Variants in MYO18B observed in about 807,000 individuals in gnomAD.
MYO18B encodes the protein myosin XVIIIB.
In MYO18B, 204 loss-of-function variants were observed where a neutral mutation model predicts 273.0. The ratio of observed to expected loss-of-function variants is 0.75; its 90% CI spans 0.67 to 0.84. MYO18B has a LOEUF of 0.84. Ranked by LOEUF, MYO18B falls within the 40% of genes least tolerant of loss-of-function variation. The pLI is 0.00. For synonymous variants in MYO18B, 1,330 were observed against 1,305.7 expected, an observed-to-expected ratio of 1.02 and a Z score of -0.40; for missense variants, 3,212 against 3,287.6, an observed-to-expected ratio of 0.98 and a Z score of 0.56.
intron 25 of MYO18B, among the ~76,000 whole-genome samples, chr22:25,888,800 C>T (rs1047444327): frequency 1.3e-5 from 2 of 152,204 alleles, no homozygotes; most frequent in Non-Finnish European, 2.9e-5. Context: ...AGCCTTCTTT[C>T]TCCTCTGCGT....
At chr22:26,030,282 C>T (rs1936596528) in intron 43 of MYO18B, among the ~76,000 whole-genome samples, 161 bp from the exon 44 acceptor site, 1 of 152,166 alleles carries the variant, frequency 6.6e-6, no homozygotes, top group Non-Finnish European at 1.5e-5. Flanking sequence ...GAGGCTGAAG[C>T]AGGAAGATCA....
chr22:25,771,408 T>C (rs970124034), intron 6 of MYO18B, among the ~76,000 whole-genome samples: 4 of 152,188 alleles, frequency 2.6e-5, no homozygotes, highest in Admixed American at 6.5e-5. Flanking sequence ...ATAGCATAGG[T>C]TCTAATGGCC....
At chr22:25,744,307 C>A (rs1243725964) in intron 1 of MYO18B, among the ~76,000 whole-genome samples, 1 of 152,124 alleles carries the variant, frequency 6.6e-6, no homozygotes, top group Non-Finnish European at 1.5e-5. Context: ...AAGATAGGGA[C>A]CTGGGGCTGT....
At chr22:25,832,876 C>A (rs761901474) in intron 15 of MYO18B, 41 bp from the exon 16 acceptor site, 1 of 1,549,074 alleles carries the variant, frequency 6.5e-7, no homozygotes, top group South Asian at 1.1e-5. Context: ...CCCCCTTCAG[C>A]TCGCTAAAAG....
intron 22 of MYO18B, among the ~76,000 whole-genome samples, chr22:25,870,953 G>C (rs2091030469): frequency 6.6e-6 from 1 of 152,302 alleles, no homozygotes; most frequent in African/African-American, 2.4e-5. Flanking sequence ...GCAGGAGTAA[G>C]AAGTCTGTAC....
intron 33 of MYO18B, among the ~76,000 whole-genome samples, chr22:25,919,594 G>A (rs981778245): frequency 6.6e-6 from 1 of 152,100 alleles, no homozygotes; most frequent in Non-Finnish European, 1.5e-5. Flanking sequence ...GATTGTCACA[G>A]GAGTTAAATG....
At chr22:25,846,343 C>T in intron 19 of MYO18B, 60 bp downstream of exon 19, 1 of 1,563,912 alleles carries the variant, frequency 6.4e-7, no homozygotes, top group Non-Finnish European at 8.7e-7. Context: ...CTCATCTCCT[C>T]TGGGCTGAGT....
chr22:26,044,054 T>C, the MYO18B span, among the ~76,000 whole-genome samples: 1 of 152,238 alleles, frequency 6.6e-6, no homozygotes, highest in Non-Finnish European at 1.5e-5. Flanking sequence ...CAGTATCTTT[T>C]TGTGTTTTTA....
chr22:25,893,929 A>T (rs150750070), intron 27 of MYO18B, among the ~76,000 whole-genome samples: 121 of 151,848 alleles, frequency 8.0e-4, no homozygotes, highest in African/African-American at 2.8e-3. Flanking sequence ...CTACACTAAC[A>T]TCCATCCATC....
chr22:25,770,413 G>A (rs2086675809), intron 5 of MYO18B, among the ~76,000 whole-genome samples: 1 of 152,190 alleles, frequency 6.6e-6, no homozygotes, highest in Non-Finnish European at 1.5e-5. Flanking sequence ...GCCAGAGTCT[G>A]GTACAAGTGG....
chr22:25,992,287 G>T, intron 39 of MYO18B, 76 bp from the exon 40 acceptor site: 2 of 1,571,266 alleles, frequency 1.3e-6, no homozygotes, highest in East Asian at 2.3e-5. Flanking sequence ...CCTGGGGCGT[G>T]TCTCTTCCCC....
intron 19 of MYO18B, 23 bp downstream of exon 19, chr22:25,846,306 G>A (rs773245567): frequency 2.5e-6 from 4 of 1,608,052 alleles, no homozygotes; most frequent in Non-Finnish European, 3.4e-6. Context: ...CCTGTCTCAT[G>A]GTGTCCTGGC....
intron 39 of MYO18B, among the ~76,000 whole-genome samples, chr22:25,991,594 A>T (rs995160553): frequency 2.6e-5 from 4 of 152,174 alleles, no homozygotes; most frequent in Admixed American, 2.6e-4. Flanking sequence ...AAAGTACCAG[A>T]AAGTATTGAT....
In MYO18B at chr22:25,992,391, T is replaced by A; in HGVS notation, c.6185T>A (p.Val2062Glu). 1.2e-6 allele frequency: 2 copies of A among 1,614,016 alleles called. No individual in the cohort carries two copies. The highest frequency in any genetic ancestry group is 1.1e-5 in the South Asian group (1 of 91,086). ...AAGTACGTGGAGGAACTTGCAGCAG[T>A]GAGGCAAACCCTCCAGACAGACCTG... ...LEKYVEELAA[V>E]RQTLQTDLET... The change falls in exon 40 of 44, where the codon GTG becomes GAG. Residue 2062 changes from valine (V) to glutamate (E), a missense_variant. Coordinates refer to ENST00000335473, the MANE Select transcript of MYO18B (RefSeq NM_032608.7).
Position 25,879,619 on chromosome 22 carries a change from A to C in MYO18B, c.4314+1571A>C, listed in dbSNP as rs532404800. Reference sequence around the variant, plus strand: ...GGCTGGGGGTGACTACATGAATCAGACAGTTCCCACTCCAAGAAGGTCACT... The same window carrying C: ...GGCTGGGGGTGACTACATGAATCAGCCAGTTCCCACTCCAAGAAGGTCACT... On this transcript the variant is annotated intron_variant, in intron 25 of 43. Coordinates refer to ENST00000335473, the MANE Select transcript of MYO18B (RefSeq NM_032608.7). Among the ~76,000 whole-genome samples, 3 of 152,278 alleles carry C rather than the reference A, an allele frequency of 2.0e-5. No individual in the cohort carries two copies. The East Asian group carries it at 5.8e-4, about 29-fold the overall frequency.
At chr22:25,891,048 G>A (rs146007789) in intron 26 of MYO18B, among the ~76,000 whole-genome samples, 173 bp downstream of exon 26, 219 of 152,288 alleles carry the variant, frequency 1.4e-3, no homozygotes, top group African/African-American at 5.2e-3. Context: ...TTGGCCTTGG[G>A]GGTGTTATGG....
rs1341374251 is a variant in MYO18B, at chr22:25,874,226, C to CCT, written c.3952-59_3952-58insTC. On this transcript the variant is annotated intron_variant, in intron 22 of 43. Coordinates refer to ENST00000335473, the MANE Select transcript of MYO18B (RefSeq NM_032608.7). Reference sequence around the variant, plus strand: ...AAGTGGGGTCTGATTTGCAAGCACCCCCCCATTGTAGACAGCCTTCTTCAG... The same window carrying CCT: ...AAGTGGGGTCTGATTTGCAAGCACCCCTCCCCATTGTAGACAGCCTTCTTCAG... 1.7e-5 allele frequency: 28 copies of CCT among 1,601,526 alleles called. 1 individual carries two copies.
intron 22 of MYO18B, among the ~76,000 whole-genome samples, chr22:25,869,476 AG>A (rs1569132096): frequency 0.01 from 1,366 of 133,250 alleles, 21 homozygotes; most frequent in African/African-American, 0.039. Context: ...AAAAAAAAGA[AG>A]GAAGGAAGGA....
At chr22:25,974,008 G>A (rs1314759791) in intron 39 of MYO18B, among the ~76,000 whole-genome samples, 1 of 152,210 alleles carries the variant, frequency 6.6e-6, no homozygotes, top group African/African-American at 2.4e-5. Context: ...TTAGGACGGT[G>A]AGGAGGCAAA....
Sources: allele counts gnomAD v4.1 joint callset (sites outside exome capture counted in the v4.1 genomes callset), GRCh38; gene constraint gnomAD v4.1.1; transcripts MANE v1.5; gene names NCBI Gene and HGNC (gene_info 2026-07-23, HGNC 2026-07-21).